Variants in ZNF385D observed in about 807,000 individuals in gnomAD.
ZNF385D encodes the protein zinc finger protein 385D.
Under a neutral mutation model 35.8 loss-of-function variants are expected in ZNF385D, and 15 were observed. The ratio of observed to expected loss-of-function variants is 0.42; its 90% CI spans 0.28 to 0.64. ZNF385D has a LOEUF of 0.64. ZNF385D is among the 30% of genes least tolerant of loss of function. ZNF385D has a pLI of 0.23. For synonymous variants in ZNF385D, 212 were observed against 186.8 expected (o/e 1.13, Z -1.10); for missense variants, 474 against 494.6 (o/e 0.96, Z 0.39).
chr3:22,288,880 CCAGT>C (rs1212060627), intron 2 of ZNF385D, among the ~76,000 whole-genome samples: 2 of 152,086 alleles, frequency 1.3e-5, no homozygotes, highest in African/African-American at 4.8e-5. Flanking sequence ...ACCAATCCAT[CCAGT>C]CAGAGATCCT....
intron 2 of ZNF385D, among the ~76,000 whole-genome samples, chr3:22,333,332 G>A (rs1575139132): frequency 6.6e-6 from 1 of 152,028 alleles, no homozygotes; most frequent in East Asian, 1.9e-4. Context: ...CCAAATTTAA[G>A]GAGTTTTCCA....
At chr3:21,982,079 G>GTTTTT (rs59719489) in intron 3 of ZNF385D, among the ~76,000 whole-genome samples, 1 of 133,250 alleles carries the variant, frequency 7.5e-6, no homozygotes, top group African/African-American at 2.9e-5. Flanking sequence ...TTTTAAAATA[G>GTTTTT]TTTTTTTTTT....
At chr3:21,854,151 A>G (rs1376232126) in intron 3 of ZNF385D, among the ~76,000 whole-genome samples, 1 of 151,910 alleles carries the variant, frequency 6.6e-6, no homozygotes. Context: ...CATGCACAAA[A>G]GGGCAGTCTT....
chr3:22,330,946 TG>T (rs1248835962), intron 2 of ZNF385D, among the ~76,000 whole-genome samples: 2 of 152,206 alleles, frequency 1.3e-5, no homozygotes, highest in Admixed American at 6.5e-5. Flanking sequence ...CATGTCTTTC[TG>T]GGGTATGGCT....
At chr3:21,698,647 A>AAAC (rs1559529317) in intron 1 of ZNF385D, among the ~76,000 whole-genome samples, 1 of 151,922 alleles carries the variant, frequency 6.6e-6, no homozygotes, top group Non-Finnish European at 1.5e-5. Context: ...TCCAAGAAAA[A>AAAC]AAACAAACAA....
intron 3 of ZNF385D, among the ~76,000 whole-genome samples, chr3:22,162,785 C>G (rs1706047861): frequency 6.6e-6 from 1 of 152,162 alleles, no homozygotes; most frequent in Non-Finnish European, 1.5e-5. Flanking sequence ...TAATTGACCT[C>G]TCTATGGTCA....
intron 2 of ZNF385D, among the ~76,000 whole-genome samples, chr3:21,574,518 G>T (rs1427195303): frequency 6.6e-6 from 1 of 152,008 alleles, no homozygotes; most frequent in Non-Finnish European, 1.5e-5. Context: ...AAGTAATACT[G>T]GATTTTTGAT....
intron 3 of ZNF385D, among the ~76,000 whole-genome samples, chr3:21,926,365 T>C (rs1310964745): frequency 6.6e-6 from 1 of 152,162 alleles, no homozygotes; most frequent in African/African-American, 2.4e-5. Context: ...CTCCCACTTA[T>C]GAGTGAGAAC....
intron 3 of ZNF385D, among the ~76,000 whole-genome samples, chr3:21,895,304 C>A (rs1185176006): frequency 7.3e-6 from 1 of 137,564 alleles, no homozygotes; most frequent in East Asian, 2.4e-4. Context: ...ATGGTTGAAT[C>A]ACTGAAATGT....
chr3:22,323,668 A>C (rs1694546694), intron 2 of ZNF385D, among the ~76,000 whole-genome samples: 1 of 152,218 alleles, frequency 6.6e-6, no homozygotes, highest in African/African-American at 2.4e-5. Flanking sequence ...CTACGGTAAC[A>C]CAAAAATTCT....
At chr3:21,764,174 G>C (rs542998684) in intron 3 of ZNF385D, among the ~76,000 whole-genome samples, 2 of 152,266 alleles carry the variant, frequency 1.3e-5, no homozygotes, top group Admixed American at 6.5e-5. Context: ...TAAGGGAAGA[G>C]TATTCTGGGC....
In ZNF385D at chr3:21,421,457, A is replaced by G; in HGVS notation, c.955-10T>C. On this transcript the variant is annotated splice_polypyrimidine_tract_variant and intron_variant, in intron 7 of 7. Transcript: ENST00000281523. ...AAAATACTAATTTTACCTGCAAGGG[A>G]GAAAAAATATTGTAAAAAAAACAAC... 6.3e-7 allele frequency: 1 copy of G among 1,590,950 alleles called. No individual in the cohort carries two copies. The highest frequency in any genetic ancestry group is 8.6e-7 in the Non-Finnish European group (1 of 1,163,882).
intron 4 of ZNF385D, among the ~76,000 whole-genome samples, chr3:21,471,453 C>T (rs1703897765): frequency 6.6e-6 from 1 of 152,050 alleles, no homozygotes; most frequent in Non-Finnish European, 1.5e-5. Context: ...TCCATTAATA[C>T]ATAATCCCTA....
At chr3:21,994,617 T>G (rs1695350667) in intron 3 of ZNF385D, among the ~76,000 whole-genome samples, 1 of 152,220 alleles carries the variant, frequency 6.6e-6, no homozygotes, top group South Asian at 2.1e-4. Flanking sequence ...TTTTCATGCT[T>G]CTTATGTCCT....
chr3:22,125,864 G>A (rs893528116), intron 3 of ZNF385D, among the ~76,000 whole-genome samples: 14 of 152,048 alleles, frequency 9.2e-5, no homozygotes, highest in Non-Finnish European at 1.3e-4. Flanking sequence ...CTGCAAAGAA[G>A]GATAATTTGA....
chr3:21,424,318 T>TATATATATTTATATATATATATATATA (rs375587956), intron 6 of ZNF385D, among the ~76,000 whole-genome samples: 2 of 41,826 alleles, frequency 4.8e-5, no homozygotes, highest in South Asian at 9.7e-4. Flanking sequence ...TATATATATA[T>TATATATATTTATATATATATATATATA]TTTTTTTTTT....
At chr3:21,444,087 T>C (rs1476192384) in intron 4 of ZNF385D, among the ~76,000 whole-genome samples, 1 of 150,568 alleles carries the variant, frequency 6.6e-6, no homozygotes, top group Non-Finnish European at 1.5e-5. Flanking sequence ...CCTCTTTTTT[T>C]TTTTTTTTTT....
At chr3:22,288,512 A>G (rs1360442832) in intron 2 of ZNF385D, among the ~76,000 whole-genome samples, 1 of 151,782 alleles carries the variant, frequency 6.6e-6, no homozygotes, top group Non-Finnish European at 1.5e-5. Flanking sequence ...TGCTTAATCC[A>G]TCCTGCATTA....
chr3:22,216,342 A>T lies in ZNF385D; in HGVS notation c.107-47307T>A, dbSNP rs1697883306. On this transcript the variant is annotated intron_variant, in intron 2 of 5. Transcript: ENST00000494108. ...GACTTTCATTGCAATCTTGTTAACA[A>T]TACTACCATTATGGATAAATTGCTA... is the stretch of plus-strand genomic sequence containing the variant. Among the ~76,000 whole-genome samples, 4 of 152,232 alleles carry T rather than the reference A, an allele frequency of 2.6e-5. No individual in the cohort carries two copies. In the South Asian group the frequency reaches 6.2e-4, roughly 24 times the overall value.
Sources: gnomAD v4.1 joint callset for allele counts (sites outside exome capture counted in the v4.1 genomes callset) on GRCh38, gnomAD v4.1.1 for gene constraint, MANE v1.5 for transcripts, NCBI Gene and HGNC (gene_info 2026-07-23, HGNC 2026-07-21) for gene names.